The following ROBO2 variants were observed in gnomAD, a reference collection of about 807,000 sequenced individuals.
ROBO2 encodes the protein roundabout guidance receptor 2, also known as roundabout homolog 2.
In ROBO2, 53 loss-of-function variants were observed where a neutral mutation model predicts 160.8. The observed-to-expected ratio is 0.33, with a 90% CI of 0.26 to 0.41. ROBO2 has a LOEUF of 0.41. ROBO2 is among the 10% of genes least tolerant of loss of function. The pLI is 1.00. For synonymous variants in ROBO2, 664 were observed against 611.7 expected, an observed-to-expected ratio of 1.09 and a Z score of -1.26; for missense variants, 1,577 against 1,722.4, an observed-to-expected ratio of 0.92 and a Z score of 1.49.
chr3:76,249,594 G>A (rs891587734), intron 2 of ROBO2, among the ~76,000 whole-genome samples: 6 of 152,138 alleles, frequency 3.9e-5, no homozygotes, highest in African/African-American at 1.4e-4. Context: ...TTACACAGGT[G>A]ATTTCAATGA....
At chr3:76,453,101 A>G (rs905881918) in intron 2 of ROBO2, among the ~76,000 whole-genome samples, 1 of 152,142 alleles carries the variant, frequency 6.6e-6, no homozygotes, top group Non-Finnish European at 1.5e-5. Flanking sequence ...GTAGGTTGCA[A>G]AAATTTTCTC....
chr3:76,106,085 G>T (rs551120985), intron 2 of ROBO2, among the ~76,000 whole-genome samples: 12 of 152,252 alleles, frequency 7.9e-5, no homozygotes, highest in African/African-American at 2.9e-4. Context: ...TCGAGATAAT[G>T]TTATGTTATG....
intron 2 of ROBO2, among the ~76,000 whole-genome samples, chr3:76,946,843 T>G (rs2078580289): frequency 6.6e-6 from 1 of 152,216 alleles, no homozygotes; most frequent in Admixed American, 6.5e-5. Flanking sequence ...CCCTGGATGT[T>G]TTGTAAGCTG....
intron 1 of ROBO2, among the ~76,000 whole-genome samples, chr3:77,095,473 A>C (rs2070914503): frequency 6.6e-6 from 1 of 152,136 alleles, no homozygotes; most frequent in Non-Finnish European, 1.5e-5. Context: ...GCACAAGTTG[A>C]TATAGTAAAT....
intron 5 of ROBO2, among the ~76,000 whole-genome samples, chr3:77,498,591 A>C (rs1263522206): frequency 6.6e-6 from 1 of 152,000 alleles, no homozygotes; most frequent in Non-Finnish European, 1.5e-5. Flanking sequence ...AAGAAACTGA[A>C]TGGAACTACT....
At chr3:76,534,601 G>A (rs2082396038) in intron 2 of ROBO2, among the ~76,000 whole-genome samples, 1 of 152,146 alleles carries the variant, frequency 6.6e-6, no homozygotes, top group Admixed American at 6.6e-5. Flanking sequence ...AGAGAGGAAT[G>A]TCCCAAGCCT....
intron 1 of ROBO2, among the ~76,000 whole-genome samples, chr3:77,086,107 C>A (rs544103156): frequency 1.3e-5 from 2 of 152,080 alleles, no homozygotes; most frequent in African/African-American, 4.8e-5. Flanking sequence ...TTTAGAGGGA[C>A]ACAGAGTTAT....
chr3:76,899,499 G>A (rs1334918214), intron 2 of ROBO2, among the ~76,000 whole-genome samples: 1 of 152,016 alleles, frequency 6.6e-6, no homozygotes, highest in East Asian at 1.9e-4. Flanking sequence ...TTACTTTGTA[G>A]GACTAACATT....
chr3:76,518,127 T>C (rs2081428189), intron 2 of ROBO2, among the ~76,000 whole-genome samples: 1 of 152,140 alleles, frequency 6.6e-6, no homozygotes, highest in African/African-American at 2.4e-5. Context: ...TATTGTCCAG[T>C]AGCCTTCTGT....
rs191470795 is a variant in ROBO2, at chr3:77,083,696, C to A, written c.62-14318C>A. The stretch of plus-strand genomic sequence containing the variant: ...GAATCCACAGAAATGTATGCCTAAG[C>A]GGTTATGATAGAAATGGAAGAGTTA... On this transcript the variant is annotated intron_variant, in intron 1 of 25. Transcript: ENST00000461745. Among the ~76,000 whole-genome samples the A allele has an allele frequency of 1.3e-5, 2 of 152,046 alleles. 1 individual carries two copies. The highest frequency in any genetic ancestry group is 3.9e-4 in the East Asian group (2 of 5,160).
At chr3:77,441,109 T>C (rs1312093042) in intron 2 of ROBO2, among the ~76,000 whole-genome samples, 1 of 152,092 alleles carries the variant, frequency 6.6e-6, no homozygotes, top group Non-Finnish European at 1.5e-5. Context: ...ATTTTCTCCC[T>C]CTGGACCTTT....
intron 2 of ROBO2, among the ~76,000 whole-genome samples, chr3:76,611,984 T>G (rs1320266793): frequency 6.6e-6 from 1 of 152,214 alleles, no homozygotes; most frequent in African/African-American, 2.4e-5. Context: ...TTCAAAAAAT[T>G]TCCTAATTTC....
intron 2 of ROBO2, among the ~76,000 whole-genome samples, chr3:77,293,047 A>T (rs369502421): frequency 2.0e-5 from 3 of 150,650 alleles, no homozygotes; most frequent in Non-Finnish European, 4.4e-5. Context: ...ATTGATGGTT[A>T]AATGGGTAAG....
chr3:76,277,090 C>T (rs1353354536), intron 2 of ROBO2, among the ~76,000 whole-genome samples: 1 of 152,006 alleles, frequency 6.6e-6, no homozygotes, highest in East Asian at 1.9e-4. Flanking sequence ...CTCAACCACC[C>T]ATGTGGACAA....
intron 2 of ROBO2, among the ~76,000 whole-genome samples, chr3:77,198,926 G>A (rs1271653381): frequency 6.6e-6 from 1 of 151,956 alleles, no homozygotes; most frequent in Admixed American, 6.6e-5. Context: ...AAAGAAAAAA[G>A]AAAGACATTT....
chr3:77,107,130 A>G (rs927828341), intron 2 of ROBO2, among the ~76,000 whole-genome samples: 1 of 152,198 alleles, frequency 6.6e-6, no homozygotes, highest in Non-Finnish European at 1.5e-5. Context: ...CTCCTGGTTC[A>G]TAGACGGCAT....
At chr3:76,517,421 A>G (rs2081395202) in intron 2 of ROBO2, among the ~76,000 whole-genome samples, 1 of 152,196 alleles carries the variant, frequency 6.6e-6, no homozygotes, top group African/African-American at 2.4e-5. Context: ...TCACAGGAGC[A>G]CTAATAGGTC....
intron 2 of ROBO2, among the ~76,000 whole-genome samples, chr3:76,934,608 G>C (rs566899206): frequency 6.6e-6 from 1 of 152,244 alleles, no homozygotes; most frequent in African/African-American, 2.4e-5. Flanking sequence ...GGACATGGTG[G>C]TGCATGCCTG....
chr3:76,344,598 T>G (rs904549947), intron 2 of ROBO2, among the ~76,000 whole-genome samples: 6 of 152,126 alleles, frequency 3.9e-5, no homozygotes, highest in African/African-American at 1.4e-4. Flanking sequence ...GCTCTATTAC[T>G]TGGTCACTAA....
Sources: allele counts gnomAD v4.1 joint callset (sites outside exome capture counted in the v4.1 genomes callset), GRCh38; gene constraint gnomAD v4.1.1; transcripts MANE v1.5; gene names NCBI Gene and HGNC (gene_info 2026-07-23, HGNC 2026-07-21).